FBXO4: variants seen among roughly 807,000 people sequenced by gnomAD.
The protein encoded by FBXO4 is F-box only protein 4.
FBXO4 carries 36 observed loss-of-function variants against 43.7 expected under a neutral mutation model. That is an observed-to-expected ratio of 0.82 (90% CI 0.63 to 1.09). FBXO4 has a LOEUF of 1.09. Among genes scored for constraint, FBXO4 ranks in the 50% least tolerant of loss-of-function variants. FBXO4 has a pLI of 0.00. For synonymous variants in FBXO4, 180 were observed against 165.6 expected, an observed-to-expected ratio of 1.09 and a Z score of -0.67; for missense variants, 435 against 474.1, an observed-to-expected ratio of 0.92 and a Z score of 0.77.
the FBXO4 span, among the ~76,000 whole-genome samples, chr5:42,012,717 C>A: frequency 1.3e-5 from 2 of 152,056 alleles, no homozygotes; most frequent in Non-Finnish European, 2.9e-5. Flanking sequence ...TCTGTGAAGG[C>A]AAAGGCAGTA....
At chr5:41,956,853 C>T in the FBXO4 span, among the ~76,000 whole-genome samples, 1 of 151,826 alleles carries the variant, frequency 6.6e-6, no homozygotes, top group African/African-American at 2.4e-5. Flanking sequence ...GCTGGGATTA[C>T]AGGCACACAC....
At chr5:41,998,848 T>A in the FBXO4 span, among the ~76,000 whole-genome samples, 3 of 152,150 alleles carry the variant, frequency 2.0e-5, no homozygotes, top group African/African-American at 7.2e-5. Flanking sequence ...CAGCTCTTTC[T>A]CTACAGGAGA....
chr5:41,938,397 A>G (rs1751906543), intron 5 of FBXO4, among the ~76,000 whole-genome samples: 2 of 152,222 alleles, frequency 1.3e-5, no homozygotes, highest in African/African-American at 4.8e-5. Context: ...AAATGGAACC[A>G]TTAAAAAACT....
chr5:41,961,890 A>G, the FBXO4 span, among the ~76,000 whole-genome samples: 3 of 152,320 alleles, frequency 2.0e-5, no homozygotes, highest in East Asian at 5.8e-4. Context: ...AGGAAACTCA[A>G]TGGTTCCTGC....
the FBXO4 span, among the ~76,000 whole-genome samples, chr5:42,010,661 G>A: frequency 6.6e-6 from 1 of 152,010 alleles, no homozygotes; most frequent in Non-Finnish European, 1.5e-5. Context: ...TGAACAAGGG[G>A]GTTATGAAAT....
intron 5 of FBXO4, chr5:41,939,235 A>G (rs1040292382): frequency 7.0e-6 from 3 of 428,498 alleles, no homozygotes; most frequent in South Asian, 5.6e-5. Flanking sequence ...AGTGACATCT[A>G]CAGAATTTGT....
In FBXO4 at chr5:41,927,185, T is replaced by G. The variant is rs1201238872; in HGVS notation, c.362T>G (p.Leu121Arg). ...GTTGACTGGAAGTCTCTTCCAGATC[T>G]AGAAATCTTAAAAAAGCCTATATCT... ...SSVDWKSLPD[L>R]EILKKPISEV... The change falls in exon 2 of 7, where the codon CTA becomes CGA. Residue 121 changes from leucine (L) to arginine (R), a missense_variant. Coordinates refer to ENST00000281623, the MANE Select transcript of FBXO4 (RefSeq NM_012176.3). 6.2e-7 allele frequency: 1 copy of G among 1,613,662 alleles called. No homozygotes were observed. The highest frequency in any genetic ancestry group is 1.1e-5 in the South Asian group (1 of 91,012).
chr5:41,977,430 A>G, the FBXO4 span, among the ~76,000 whole-genome samples: 1 of 152,218 alleles, frequency 6.6e-6, no homozygotes, highest in Non-Finnish European at 1.5e-5. Context: ...GGCTGTTAGA[A>G]GCAGCCAGAC....
In FBXO4 at chr5:41,927,128, T is replaced by C. The variant is rs2112566682; in HGVS notation, c.305T>C (p.Phe102Ser). The change falls in exon 2 of 7, where the codon TTT becomes TCT. Residue 102 changes from phenylalanine (F) to serine (S), a missense_variant. Physicochemically the swap from Phe to Ser is radical, Grantham distance 155. Transcript: ENST00000281623. Reference sequence around the variant, plus strand: ...AGAGATCCAATTCTGTGGAGATACTTTTTGTTGAGGGATCTTCCTTCTTGG... The same window carrying C: ...AGAGATCCAATTCTGTGGAGATACTCTTTGTTGAGGGATCTTCCTTCTTGG... ...TVRDPILWRYFLLRDLPSWSS... is the reference protein window; with the variant it reads ...TVRDPILWRYSLLRDLPSWSS... 1.9e-6 allele frequency: 3 copies of C among 1,613,874 alleles called. No homozygotes were observed. The East Asian group carries it at 6.7e-5, about 36-fold the overall frequency.
chr5:41,992,713 G>A, the FBXO4 span, among the ~76,000 whole-genome samples: 1 of 152,258 alleles, frequency 6.6e-6, no homozygotes, highest in Admixed American at 6.5e-5. Context: ...AAGTGTTTTG[G>A]AATTTTTCTT....
the FBXO4 span, among the ~76,000 whole-genome samples, chr5:41,965,104 CT>C: frequency 1.2e-3 from 184 of 152,298 alleles, no homozygotes; most frequent in South Asian, 8.1e-3. Context: ...CTACATATGG[CT>C]AGCCAGTTTT....
chr5:41,934,624 A>G, intron 5 of FBXO4: 1 of 1,232,898 alleles, frequency 8.1e-7, no homozygotes, highest in Non-Finnish European at 1.0e-6. Flanking sequence ...AAAGTTTGGT[A>G]CTAGAGCTAT....
intron 3 of FBXO4, 71 bp from the exon 4 acceptor site, chr5:41,933,875 G>T: frequency 7.8e-7 from 1 of 1,283,146 alleles, no homozygotes. Context: ...CTTTCACCGG[G>T]TAATTTTCAG....
At chr5:41,971,910 C>T in the FBXO4 span, among the ~76,000 whole-genome samples, 1 of 152,134 alleles carries the variant, frequency 6.6e-6, no homozygotes, top group East Asian at 1.9e-4. Flanking sequence ...CTTTTCAAAG[C>T]CTAGATCATA....
the FBXO4 span, among the ~76,000 whole-genome samples, chr5:41,971,205 GGTGT>G: frequency 0.27 from 39,225 of 147,254 alleles, 5,698 homozygotes; most frequent in African/African-American, 0.39. Context: ...ACTAGAGAGA[GGTGT>G]GTGTGTGTGT....
At chr5:42,021,097 A>T in the FBXO4 span, among the ~76,000 whole-genome samples, 1 of 152,240 alleles carries the variant, frequency 6.6e-6, no homozygotes, top group East Asian at 1.9e-4. Flanking sequence ...TTCTAAGTGG[A>T]GTATAAGAGT....
the FBXO4 span, among the ~76,000 whole-genome samples, chr5:41,999,683 GA>G: frequency 1.3e-5 from 2 of 150,960 alleles, no homozygotes; most frequent in East Asian, 3.9e-4. Context: ...GAAGAACTCA[GA>G]GTTCAATGTT....
the FBXO4 span, among the ~76,000 whole-genome samples, chr5:41,953,129 A>G: frequency 1.3e-5 from 2 of 151,802 alleles, no homozygotes; most frequent in Non-Finnish European, 2.9e-5. Context: ...TATATCTCCT[A>G]ATGCTATCCC....
At chr5:41,970,668 A>AT in the FBXO4 span, among the ~76,000 whole-genome samples, 20 of 151,978 alleles carry the variant, frequency 1.3e-4, no homozygotes, top group Non-Finnish European at 2.4e-4. Context: ...TAGTGTAAGA[A>AT]TTTATCAGTC....
Sources: gnomAD v4.1 joint callset for allele counts (sites outside exome capture counted in the v4.1 genomes callset) on GRCh38, gnomAD v4.1.1 for gene constraint, MANE v1.5 for transcripts, NCBI Gene and HGNC (gene_info 2026-07-23, HGNC 2026-07-21) for gene names.